Variants in PM20D2 observed in about 807,000 individuals in gnomAD.
PM20D2 encodes the protein peptidase M20 domain containing 2.
In PM20D2, 33 loss-of-function variants were observed where a neutral mutation model predicts 42.9. The observed-to-expected ratio is 0.77, with a 90% CI of 0.58 to 1.03. PM20D2 has a LOEUF of 1.03. Ranked by LOEUF, PM20D2 falls within the 50% of genes least tolerant of loss-of-function variation. PM20D2 has a pLI of 0.00. For synonymous variants in PM20D2, 250 were observed against 228.2 expected, an observed-to-expected ratio of 1.10 and a Z score of -0.86; for missense variants, 548 against 557.0, an observed-to-expected ratio of 0.98 and a Z score of 0.16.
chr6:89,105,594 T>C, the PM20D2 span: 1 of 1,178,274 alleles, frequency 8.5e-7, no homozygotes, highest in Non-Finnish European at 1.2e-6. Flanking sequence ...AAAAGCATTA[T>C]TTACATGTGA....
chr6:89,117,684 C>T, the PM20D2 span: 1,156 of 813,846 alleles, frequency 1.4e-3, 1 homozygote, highest in Non-Finnish European at 1.9e-3. Context: ...CTCACACCTC[C>T]CCAAGTGGCG....
At chr6:89,095,109 G>A in the PM20D2 span, among the ~76,000 whole-genome samples, 1 of 152,078 alleles carries the variant, frequency 6.6e-6, no homozygotes, top group Non-Finnish European at 1.5e-5. Flanking sequence ...GCCACGTGAA[G>A]ATACCCTGCA....
upstream of PM20D2, among the ~76,000 whole-genome samples, chr6:89,143,727 G>A (rs944279995): frequency 2.0e-5 from 3 of 152,128 alleles, no homozygotes; most frequent in Admixed American, 1.3e-4. Context: ...GAAAGTAATA[G>A]TAAGAATTTA....
the PM20D2 span, among the ~76,000 whole-genome samples, chr6:89,131,838 T>C: frequency 1.3e-5 from 2 of 152,202 alleles, no homozygotes; most frequent in Non-Finnish European, 2.9e-5. Context: ...GAGTCAGTAG[T>C]GTGTGCACCT....
chr6:89,152,242 TATC>T (rs1340968198), intron 2 of PM20D2, among the ~76,000 whole-genome samples: 5 of 152,322 alleles, frequency 3.3e-5, no homozygotes, highest in Admixed American at 2.0e-4. Flanking sequence ...TGAGAAGAAA[TATC>T]ATAAGCATTC....
chr6:89,130,264 T>C, the PM20D2 span, among the ~76,000 whole-genome samples: 2 of 151,910 alleles, frequency 1.3e-5, no homozygotes, highest in South Asian at 2.1e-4. Flanking sequence ...ATGTTATATT[T>C]TATTTTATTT....
the PM20D2 span, among the ~76,000 whole-genome samples, chr6:89,116,774 T>TAAAAAAAAAAAAAAAA: frequency 7.4e-6 from 1 of 135,114 alleles, no homozygotes; most frequent in East Asian, 2.2e-4. Context: ...AGACTTTGTC[T>TAAAAAAAAAAAAAAAA]AAAAAAAAAA....
the PM20D2 span, chr6:89,105,714 A>T: frequency 2.5e-6 from 1 of 406,940 alleles, no homozygotes; most frequent in Non-Finnish European, 4.3e-6. Context: ...CAAATGACCC[A>T]TTATGTTTAG....
chr6:89,132,707 A>G, the PM20D2 span, among the ~76,000 whole-genome samples: 6 of 150,410 alleles, frequency 4.0e-5, no homozygotes, highest in Non-Finnish European at 5.9e-5. Flanking sequence ...GTGTGGTGGC[A>G]CACACCTGTA....
At chr6:89,098,268 C>A in the PM20D2 span, 1 of 239,530 alleles carries the variant, frequency 4.2e-6, no homozygotes, top group Non-Finnish European at 8.1e-6. Context: ...AGTACTAATA[C>A]TATGCAAGTA....
At chr6:89,127,945 G>A in the PM20D2 span, among the ~76,000 whole-genome samples, 1 of 152,048 alleles carries the variant, frequency 6.6e-6, no homozygotes, top group South Asian at 2.1e-4. Context: ...TGTTACCTTC[G>A]TAAGCTAAGG....
In PM20D2 at chr6:89,165,138, TAA is replaced by T. The variant is rs1310349360; in HGVS notation, c.*2876_*2877del. 1 of 151,526 alleles carries T rather than the reference TAA, an allele frequency of 6.6e-6. No individual in the cohort carries two copies. Among genetic ancestry groups the T allele is most frequent in the Non-Finnish European group, 1.5e-5 (1 of 67,884 alleles). The allele number at this position is 151,526 out of a possible 1,614,324, so 9.4% of individuals were successfully genotyped here. On this transcript the variant is annotated 3_prime_UTR_variant, in exon 7 of 7. Transcript: ENST00000275072. ...TTTTGAACAAAAGAAATTGATACAA[TAA>T]GTTTTTTTTTTTAAGGATGATTGTC...
At chr6:89,110,495 A>G in the PM20D2 span, among the ~76,000 whole-genome samples, 1 of 152,342 alleles carries the variant, frequency 6.6e-6, no homozygotes, top group African/African-American at 2.4e-5. Flanking sequence ...AAAGTTACAC[A>G]TGAAGACTTG....
the PM20D2 span, among the ~76,000 whole-genome samples, chr6:89,104,223 CTTTTTT>C: frequency 4.4e-4 from 54 of 123,498 alleles, no homozygotes; most frequent in Non-Finnish European, 5.3e-4. Context: ...AACTCATCAC[CTTTTTT>C]TTTTTTTTTT....
intron 4 of PM20D2, among the ~76,000 whole-genome samples, chr6:89,157,701 G>A (rs978037808): frequency 6.6e-6 from 1 of 152,066 alleles, no homozygotes; most frequent in Non-Finnish European, 1.5e-5. Context: ...TTACTTTGAG[G>A]TGCTGGTTAA....
the PM20D2 span, among the ~76,000 whole-genome samples, chr6:89,124,950 T>C: frequency 6.6e-6 from 1 of 151,854 alleles, no homozygotes; most frequent in East Asian, 1.9e-4. Flanking sequence ...TCCAGGCTGG[T>C]CTCACACTCC....
At position 89,161,889 on chromosome 6, in the gene PM20D2, TG is replaced by T. The variant is rs779047419; in HGVS notation, c.1156+1del. ...ATACTGAACAGTACACTGAAGCTGCTGGTAAGTGTTGTTGGATGTGACTGTT... is the reference window on the plus strand; with the variant it reads ...ATACTGAACAGTACACTGAAGCTGCTGTAAGTGTTGTTGGATGTGACTGTT... ...NHTEQYTEAA[G>X]SQEAQFYTLR... On this transcript the variant is annotated frameshift_variant and splice_region_variant, in exon 6 of 7. Transcript: ENST00000275072. LOFTEE classifies it high-confidence loss of function. 5 of 1,603,508 alleles carry T rather than the reference TG, an allele frequency of 3.1e-6. No homozygotes were observed. The highest frequency in any genetic ancestry group is 4.3e-6 in the Non-Finnish European group (5 of 1,170,544).
the PM20D2 span, among the ~76,000 whole-genome samples, chr6:89,094,420 A>G: frequency 6.6e-6 from 1 of 151,632 alleles, no homozygotes; most frequent in East Asian, 1.9e-4. Flanking sequence ...GGATTTCACT[A>G]TGTTGGCCAG....
At chr6:89,134,717 A>T in the PM20D2 span, among the ~76,000 whole-genome samples, 1 of 151,132 alleles carries the variant, frequency 6.6e-6, no homozygotes, top group Admixed American at 6.6e-5. Context: ...ACAAAATTAG[A>T]TACTCTCTCA....
Sources: allele counts gnomAD v4.1 joint callset (sites outside exome capture counted in the v4.1 genomes callset), GRCh38; gene constraint gnomAD v4.1.1; transcripts MANE v1.5; gene names NCBI Gene and HGNC (gene_info 2026-07-23, HGNC 2026-07-21).